KIF6: variants seen among roughly 807,000 people sequenced by gnomAD.
KIF6 encodes kinesin family member 6.
KIF6 carries 106 observed loss-of-function variants against 112.7 expected under a neutral mutation model. The observed-to-expected ratio is 0.94, with a 90% CI of 0.80 to 1.11. The LOEUF (loss-of-function observed/expected upper bound fraction) is 1.11. Ranked by LOEUF, KIF6 falls within the 50% of genes least tolerant of loss-of-function variation. The probability of loss-of-function intolerance (pLI) is 0.00; values close to 1 mark genes in which losing one functional copy is unlikely to be tolerated. For missense variants in KIF6, 929 were observed against 964.0 expected, an observed-to-expected ratio of 0.96 and a Z score of 0.48; for synonymous variants, 339 against 339.9, an observed-to-expected ratio of 1.00 and a Z score of 0.03.
intron 20 of KIF6, among the ~76,000 whole-genome samples, chr6:39,346,118 T>C (rs182945979): frequency 3.2e-4 from 15 of 47,260 alleles, no homozygotes; most frequent in African/African-American, 2.3e-3. Flanking sequence ...TCCCTCTCCC[T>C]CTCCCTCCCT....
chr6:39,658,266 A>G (rs1312184180), intron 3 of KIF6, among the ~76,000 whole-genome samples: 2 of 152,212 alleles, frequency 1.3e-5, no homozygotes, highest in East Asian at 3.8e-4. Flanking sequence ...TTCTATATAC[A>G]TAATGGAGAC....
intron 6 of KIF6, among the ~76,000 whole-genome samples, chr6:39,601,935 C>A (rs1782598134): frequency 6.6e-6 from 1 of 151,938 alleles, no homozygotes. Context: ...CCTCTGCTCT[C>A]CACCCGGTTA....
At chr6:39,509,438 T>C (rs1182823165) in intron 13 of KIF6, among the ~76,000 whole-genome samples, 1 of 152,150 alleles carries the variant, frequency 6.6e-6, no homozygotes, top group African/African-American at 2.4e-5. Context: ...TTCTCTGAGC[T>C]AAGAAGCATG....
intron 6 of KIF6, among the ~76,000 whole-genome samples, chr6:39,606,487 C>T (rs1270472564): frequency 2.0e-5 from 3 of 152,088 alleles, no homozygotes; most frequent in Non-Finnish European, 4.4e-5. Context: ...ACATGACTAT[C>T]CCTTTCCTAA....
At position 39,697,100 on chromosome 6, in the gene KIF6, G is replaced by A. The variant is rs116514168; in HGVS notation, c.251+17592C>T. On this transcript the variant is annotated intron_variant, in intron 3 of 22. Transcript: ENST00000287152. ...TTTACTTTTCCTATTAACCCAAAGC[G>A]GAGGTTTATCTGCCAAGTTTGTTTT... is the stretch of plus-strand genomic sequence containing the variant. 8.7e-3 allele frequency among the ~76,000 whole-genome samples: 1,326 copies of A among 152,210 alleles called. 20 individuals are homozygous for A. The highest frequency in any genetic ancestry group is 0.03 in the African/African-American group (1,260 of 41,526).
rs545308265 is a variant in KIF6 at position 39,378,666 on chromosome 6, C to T, written c.1861+6956G>A. Among the ~76,000 whole-genome samples the T allele has an allele frequency of 1.3e-5, 2 of 152,328 alleles. No homozygotes were observed. Among genetic ancestry groups the T allele is most frequent in the Non-Finnish European group, 2.9e-5 (2 of 68,026 alleles). On this transcript the variant is annotated intron_variant, in intron 16 of 22. Coordinates refer to ENST00000287152, the MANE Select transcript of KIF6 (RefSeq NM_145027.6). The surrounding 1 kb of genome is among the most constrained non-coding windows in gnomAD (Gnocchi z 5.0). ...AACGGGAAGTTCTCATGGCCTGTCC[C>T]TCTCACCTGACACATTTCACATGCT...
At chr6:39,464,707 A>G (rs1773685826) in intron 13 of KIF6, among the ~76,000 whole-genome samples, 1 of 152,152 alleles carries the variant, frequency 6.6e-6, no homozygotes. Context: ...AGCACCACTG[A>G]GTGGAGCAGG....
chr6:39,465,589 C>T, intron 13 of KIF6, among the ~76,000 whole-genome samples: 1 of 152,174 alleles, frequency 6.6e-6, no homozygotes, highest in East Asian at 1.9e-4. Flanking sequence ...TTTAGTCTGT[C>T]TTCCTATGCA....
At chr6:39,437,425 C>A (rs1009373015) in intron 13 of KIF6, among the ~76,000 whole-genome samples, 1 of 152,140 alleles carries the variant, frequency 6.6e-6, no homozygotes, top group Non-Finnish European at 1.5e-5. Flanking sequence ...TACAAGAGCA[C>A]TATAGCATAT....
chr6:39,469,017 C>A (rs1773970317), intron 13 of KIF6, among the ~76,000 whole-genome samples: 1 of 151,878 alleles, frequency 6.6e-6, no homozygotes, highest in South Asian at 2.1e-4. Context: ...TACATACACA[C>A]ATACAACAAT....
intron 4 of KIF6, among the ~76,000 whole-genome samples, chr6:39,637,594 C>T (rs1003750518): frequency 3.3e-5 from 5 of 151,950 alleles, no homozygotes; most frequent in African/African-American, 1.2e-4. Flanking sequence ...GAAATGAAGA[C>T]TTTGCATAGG....
At chr6:39,438,828 T>A (rs1771730947) in intron 13 of KIF6, among the ~76,000 whole-genome samples, 1 of 152,122 alleles carries the variant, frequency 6.6e-6, no homozygotes, top group Non-Finnish European at 1.5e-5. Flanking sequence ...CCAAACCAAC[T>A]CCGTCCTTCA....
At chr6:39,635,658 T>C (rs912792553) in intron 4 of KIF6, among the ~76,000 whole-genome samples, 2 of 152,032 alleles carry the variant, frequency 1.3e-5, no homozygotes, top group Admixed American at 6.6e-5. Flanking sequence ...TGCAATGACA[T>C]AGGCATCAAT....
rs932047577 is a variant in KIF6 at position 39,443,693 on chromosome 6, C to T, written c.1646-12532G>A. Among the ~76,000 whole-genome samples the T allele has an allele frequency of 2.0e-5, 3 of 152,248 alleles. No individual in the cohort carries two copies. In the South Asian group the frequency reaches 6.3e-4, roughly 32 times the overall value. On this transcript the variant is annotated intron_variant, in intron 13 of 22. Coordinates refer to ENST00000287152, the MANE Select transcript of KIF6 (RefSeq NM_145027.6). Reference sequence around the variant, plus strand: ...TCCTGGCCTCAAGTGATCTGCCCACCGTGACCTCCCAAAGCACTGGAATTA... The same window carrying T: ...TCCTGGCCTCAAGTGATCTGCCCACTGTGACCTCCCAAAGCACTGGAATTA...
intron 10 of KIF6, among the ~76,000 whole-genome samples, chr6:39,570,881 C>A (rs114689662): frequency 0.01 from 1,562 of 152,260 alleles, 16 homozygotes; most frequent in Middle Eastern, 0.054. Context: ...ATAAATTACC[C>A]AGTCTCAGCA....
At chr6:39,689,108 C>T (rs945951733) in intron 3 of KIF6, among the ~76,000 whole-genome samples, 13 of 150,758 alleles carry the variant, frequency 8.6e-5, no homozygotes, top group Admixed American at 1.3e-4. Flanking sequence ...CAGTGTGAGA[C>T]GCTGTCTGCA....
chr6:39,484,258 C>A (rs75488913), intron 13 of KIF6, among the ~76,000 whole-genome samples: 4,115 of 152,228 alleles, frequency 0.027, 192 homozygotes, highest in African/African-American at 0.093. Flanking sequence ...ACAAATTAGA[C>A]CCACAAATAT....
chr6:39,667,043 A>T (rs181444902), intron 3 of KIF6, among the ~76,000 whole-genome samples: 3 of 152,244 alleles, frequency 2.0e-5, no homozygotes, highest in African/African-American at 7.2e-5. Flanking sequence ...GATCTCTTTC[A>T]CTGTGTTGTA....
chr6:39,575,492 G>T (rs554833479), intron 10 of KIF6, among the ~76,000 whole-genome samples: 1 of 152,096 alleles, frequency 6.6e-6, no homozygotes, highest in South Asian at 2.1e-4. Context: ...GGATGGTCTC[G>T]ATCTCCTGAC....
Sources: gnomAD v4.1 joint callset for allele counts (sites outside exome capture counted in the v4.1 genomes callset) on GRCh38, gnomAD v4.1.1 for gene constraint, Gnocchi (gnomAD v3.1) non-coding constraint, MANE v1.5 for transcripts, NCBI Gene and HGNC (gene_info 2026-07-23, HGNC 2026-07-21) for gene names.